MALT1: variants seen among roughly 807,000 people sequenced by gnomAD.
MALT1 encodes the protein mucosa-associated lymphoid tissue lymphoma translocation protein 1.
Under a neutral mutation model 85.5 loss-of-function variants are expected in MALT1, and 36 were observed. The observed-to-expected ratio is 0.42, with a 90% confidence interval of 0.32 to 0.56. The LOEUF (loss-of-function observed/expected upper bound fraction) is 0.56, where lower values mean the gene tolerates loss of function less well. Ranked by LOEUF, MALT1 falls within the 20% of genes least tolerant of loss-of-function variation. MALT1 has a pLI of 0.10. For missense variants in MALT1, 716 were observed against 981.6 expected (o/e 0.73, Z 3.62); for synonymous variants, 359 against 361.3 (o/e 0.99, Z 0.07).
intron 10 of MALT1, among the ~76,000 whole-genome samples, chr18:58,729,600 T>C (rs2055117894): frequency 6.6e-6 from 1 of 152,190 alleles, no homozygotes; most frequent in Non-Finnish European, 1.5e-5. Flanking sequence ...ATTTAATCTT[T>C]GTAATTTAAT....
intron 1 of MALT1, chr18:58,674,262 G>T (rs747205960): frequency 6.6e-6 from 1 of 152,332 alleles, no homozygotes. Context: ...TTTGTTAAAG[G>T]CTACAAAATG....
Position 58,696,251 on chromosome 18 carries a change from CAA to C in MALT1, c.377-113_377-112del, listed in dbSNP as rs1323060923. 19 of 841,614 alleles carry C rather than the reference CAA, an allele frequency of 2.3e-5. No individual in the cohort carries two copies. The Admixed American group carries it at 6.4e-4, about 28-fold the overall frequency. 52.1% of individuals were successfully genotyped at this position (841,614 alleles called of 1,614,324 possible). On this transcript the variant is annotated intron_variant, in intron 2 of 16. Coordinates refer to ENST00000649217, the MANE Select transcript of MALT1 (RefSeq NM_006785.4). ...GGAGATGTGAATGAGTGATTTATGACAAAGATAAATATGCAAGTTATTTCTAA... is the reference window on the plus strand; with the variant it reads ...GGAGATGTGAATGAGTGATTTATGACAGATAAATATGCAAGTTATTTCTAA...
intron 1 of MALT1, among the ~76,000 whole-genome samples, chr18:58,677,178 G>A (rs1210688121): frequency 2.3e-5 from 3 of 131,330 alleles, no homozygotes; most frequent in Admixed American, 1.5e-4. Flanking sequence ...GTGCCCATAC[G>A]GAAAATCAGT....
intron 9 of MALT1, among the ~76,000 whole-genome samples, chr18:58,718,711 G>A (rs962812317): frequency 6.6e-6 from 1 of 152,174 alleles, no homozygotes; most frequent in Non-Finnish European, 1.5e-5. Context: ...ATACTAATAG[G>A]AGGCAGACAT....
At chr18:58,677,716 GGA>G (rs2054261813) in intron 1 of MALT1, 1 of 152,094 alleles carries the variant, frequency 6.6e-6, no homozygotes, top group South Asian at 2.1e-4. Context: ...ATTTTACCTT[GGA>G]CTGCAGATTG....
intron 10 of MALT1, among the ~76,000 whole-genome samples, chr18:58,727,004 GC>G (rs2055064457): frequency 6.6e-6 from 1 of 152,206 alleles, no homozygotes; most frequent in Non-Finnish European, 1.5e-5. Context: ...ACTTTTCTAA[GC>G]CAAAAGGAAT....
chr18:58,735,908 C>T (rs2055215555), intron 13 of MALT1, among the ~76,000 whole-genome samples: 1 of 152,158 alleles, frequency 6.6e-6, no homozygotes, highest in South Asian at 2.1e-4. Flanking sequence ...TAATGCTGTG[C>T]ATATGTCAGA....
intron 1 of MALT1, chr18:58,672,881 CTAAA>C (rs2054186265): frequency 6.6e-6 from 1 of 152,262 alleles, no homozygotes; most frequent in East Asian, 1.9e-4. Context: ...AATGAAAAAG[CTAAA>C]TAAAGTCTTA....
At position 58,719,992 on chromosome 18, in the gene MALT1, C is replaced by G. The variant is rs2054961663; in HGVS notation, c.1019-3056C>G. ...TAACATAATAATCAGAATTATTAGA[C>G]ATGGGATTAATGATATAACACCAGT... is the stretch of plus-strand genomic sequence containing the variant. On this transcript the variant is annotated intron_variant, in intron 9 of 16. Transcript: ENST00000649217. 2.0e-5 allele frequency among the ~76,000 whole-genome samples: 3 copies of G among 152,140 alleles called. No individual in the cohort carries two copies. In the South Asian group the frequency reaches 6.2e-4, roughly 31 times the overall value.
intron 1 of MALT1, among the ~76,000 whole-genome samples, chr18:58,679,919 A>G (rs2054295958): frequency 6.6e-6 from 1 of 152,186 alleles, no homozygotes; most frequent in African/African-American, 2.4e-5. Flanking sequence ...CAAAAGAGCC[A>G]GGAGTGGTGG....
Position 58,743,911 on chromosome 18 carries a change from C to T in MALT1, c.1754-427C>T, listed in dbSNP as rs577122722. ...TAGCTTTATCTATCTTAAAGCATTA[C>T]GTATATATAAATATTAACTATGATA... is the stretch of plus-strand genomic sequence containing the variant. On this transcript the variant is annotated intron_variant, in intron 14 of 16. Transcript: ENST00000649217. Among the ~76,000 whole-genome samples, 14 of 152,094 alleles carry T rather than the reference C, an allele frequency of 9.2e-5. No homozygotes were observed. The South Asian group carries it at 1.7e-3, about 18-fold the overall frequency.
intron 10 of MALT1, among the ~76,000 whole-genome samples, chr18:58,725,054 C>T (rs1183789932): frequency 6.7e-6 from 1 of 149,978 alleles, no homozygotes; most frequent in East Asian, 2.0e-4. Context: ...GGTTTAAACC[C>T]GGGAGGTGAA....
intron 9 of MALT1, among the ~76,000 whole-genome samples, chr18:58,721,256 G>A (rs1221641064): frequency 7.2e-5 from 11 of 152,120 alleles, no homozygotes; most frequent in African/African-American, 2.7e-4. Flanking sequence ...GCGCATGCCT[G>A]TAATCCCAGC....
At chr18:58,693,659 A>T (rs7239068) in intron 2 of MALT1, among the ~76,000 whole-genome samples, 35,690 of 152,036 alleles carry the variant, frequency 0.23, 4,237 homozygotes, top group Middle Eastern at 0.33. Flanking sequence ...CTTAAGAATG[A>T]TGCTAAGAAA....
chr18:58,735,074 C>A, intron 12 of MALT1, 128 bp from the exon 13 acceptor site: 2 of 697,516 alleles, frequency 2.9e-6, no homozygotes, highest in Admixed American at 3.3e-5. Flanking sequence ...CACCCCCCCC[C>A]AGCCTCTGGT....
intron 1 of MALT1, among the ~76,000 whole-genome samples, chr18:58,673,663 G>A (rs1223236991): frequency 6.6e-6 from 1 of 152,086 alleles, no homozygotes; most frequent in African/African-American, 2.4e-5. Context: ...TGCTGTGTTA[G>A]CCAGGCTGGT....
chr18:58,727,279 T>G (rs1000968817), intron 10 of MALT1, among the ~76,000 whole-genome samples: 68 of 3,178 alleles, frequency 0.021, no homozygotes, highest in East Asian at 0.19. Context: ...TTTTTTGGGT[T>G]TTTTTTTTGG....
intron 13 of MALT1, among the ~76,000 whole-genome samples, chr18:58,739,257 T>G (rs2055268515): frequency 6.6e-6 from 1 of 152,222 alleles, no homozygotes; most frequent in African/African-American, 2.4e-5. Context: ...TATATTCATA[T>G]GGGAAATGGG....
At chr18:58,745,357 T>C (rs1258533483) in intron 15 of MALT1, among the ~76,000 whole-genome samples, 1 of 152,230 alleles carries the variant, frequency 6.6e-6, no homozygotes, top group East Asian at 1.9e-4. Flanking sequence ...AGTCAAACAC[T>C]AATGGGGCTC....
Sources: gnomAD v4.1 joint callset for allele counts (sites outside exome capture counted in the v4.1 genomes callset) on GRCh38, gnomAD v4.1.1 for gene constraint, MANE v1.5 for transcripts, NCBI Gene and HGNC (gene_info 2026-07-23, HGNC 2026-07-21) for gene names.